The following CHST12 variants were observed in gnomAD, a reference collection of about 807,000 sequenced individuals.
CHST12 encodes the protein carbohydrate (chondroitin 4) sulfotransferase 12.
CHST12 carries 23 observed loss-of-function variants against 27.9 expected under a neutral mutation model. The ratio of observed to expected loss-of-function variants is 0.82; its 90% CI spans 0.59 to 1.17. The LOEUF (loss-of-function observed/expected upper bound fraction) is 1.17. Ranked by LOEUF, CHST12 falls within the 50% of genes most tolerant of loss-of-function variation. The pLI is 0.00. For missense variants in CHST12, 682 were observed against 603.0 expected (o/e 1.13, Z -1.37); for synonymous variants, 322 against 273.0 (o/e 1.18, Z -1.77).
chr7:2,420,128 CAT>C (rs1158642746), intron 1 of CHST12, among the ~76,000 whole-genome samples: 6 of 152,056 alleles, frequency 3.9e-5, no homozygotes, highest in Admixed American at 6.6e-5. Flanking sequence ...CGCCCGTCAG[CAT>C]GCCCGGCTAA....
chr7:2,408,388 A>T (rs1583206287), intron 1 of CHST12, among the ~76,000 whole-genome samples: 2 of 132,122 alleles, frequency 1.5e-5, no homozygotes. Flanking sequence ...AAAAAAAAAA[A>T]AAGATCCTTG....
Position 2,429,718 on chromosome 7 carries a change from C to G in CHST12, c.-77-2845C>G, listed in dbSNP as rs555349441. 2.0e-5 allele frequency among the ~76,000 whole-genome samples: 3 copies of G among 152,094 alleles called. No homozygotes were observed. The East Asian group carries it at 5.8e-4, about 29-fold the overall frequency. On this transcript the variant is annotated intron_variant, in intron 1 of 1. Coordinates refer to ENST00000618655, the MANE Select transcript of CHST12 (RefSeq NM_018641.5). ...TGGCTGCAGGATCTATAATTTCATT[C>G]CTTGTCTTGTTCCTGATAAAGATAA...
chr7:2,422,390 A>T (rs1424660476), intron 1 of CHST12, among the ~76,000 whole-genome samples: 1 of 151,270 alleles, frequency 6.6e-6, no homozygotes, highest in Non-Finnish European at 1.5e-5. Flanking sequence ...GATTACAGGC[A>T]TGTGCCACCA....
rs1782571257 is a variant in CHST12 at position 2,440,365 on chromosome 7, G to C, written c.*6481G>C. On this transcript the variant is annotated 3_prime_UTR_variant, in exon 2 of 2. Coordinates refer to ENST00000618655, the MANE Select transcript of CHST12 (RefSeq NM_018641.5). ...TGCAGGTGTGCGAGTGCATGTGCAA[G>C]TGTGCGTGCAAGTGTGAGTCTGCAC... 1 of 153,326 alleles carries C rather than the reference G, an allele frequency of 6.5e-6. No homozygotes were observed. Among genetic ancestry groups the C allele is most frequent in the Non-Finnish European group, 1.5e-5 (1 of 68,272 alleles). 9.5% of individuals were successfully genotyped at this position (153,326 alleles called of 1,614,324 possible). A position where few individuals can be genotyped will look rare whatever the true frequency, so the allele number is the denominator to read the frequency against.
chr7:2,420,442 T>G (rs2115412722), intron 1 of CHST12, among the ~76,000 whole-genome samples: 1 of 152,324 alleles, frequency 6.6e-6, no homozygotes, highest in Non-Finnish European at 1.5e-5. Context: ...ACACTTGGGT[T>G]CCTTCCACCT....
At chr7:2,404,843 C>G (rs1460692176) in intron 1 of CHST12, among the ~76,000 whole-genome samples, 1 of 152,244 alleles carries the variant, frequency 6.6e-6, no homozygotes, top group Non-Finnish European at 1.5e-5. Flanking sequence ...TCAGCTGACT[C>G]CAGCTTTATT....
chr7:2,440,887 G>A lies in CHST12; in HGVS notation c.*7003G>A, dbSNP rs1782586947. 6.6e-6 allele frequency: 1 copy of A among 152,180 alleles called. No homozygotes were observed. The highest frequency in any genetic ancestry group is 2.4e-5 in the African/African-American group (1 of 41,438). The allele number at this position is 152,180 out of a possible 1,614,324, so 9.4% of individuals were successfully genotyped here. A position where few individuals can be genotyped will look rare whatever the true frequency, so the allele number is the denominator to read the frequency against. On this transcript the variant is annotated 3_prime_UTR_variant, in exon 2 of 2. Transcript: ENST00000618655. ...CGTGTGAAGTTACCACCTCGTGAGT[G>A]GTCATAAGTTAGCGTGTCTAAATGC...
chr7:2,433,970 G>GGGCTTCTT lies in CHST12; in HGVS notation c.*88_*95dup, dbSNP rs1782393591. On this transcript the variant is annotated 3_prime_UTR_variant, in exon 2 of 2. Transcript: ENST00000618655. The surrounding 1 kb of genome is among the most constrained non-coding windows in gnomAD (Gnocchi z 6.1). ...TTTATGACCTACGATTTTGCAATCT[G>GGGCTTCTT]GGCTTCTTGTTCACTCCACTGCCTC... The GGGCTTCTT allele has an allele frequency of 8.4e-7, 1 of 1,187,292 alleles. No homozygotes were observed. Among genetic ancestry groups the GGGCTTCTT allele is most frequent in the South Asian group, 1.5e-5 (1 of 67,384 alleles). 73.5% of individuals were successfully genotyped at this position (1,187,292 alleles called of 1,614,324 possible).
Position 2,441,925 on chromosome 7 carries a change from ACAGTT to A in CHST12, c.*8046_*8050del, listed in dbSNP as rs1782615518. On this transcript the variant is annotated 3_prime_UTR_variant, in exon 2 of 2. Transcript: ENST00000618655. The stretch of plus-strand genomic sequence containing the variant: ...TGCCCTCTTCCCCATTTTTAAGTGA[ACAGTT>A]CAGTGGCATTAAGCACATTCAGTTT... 1 of 152,110 alleles carries A rather than the reference ACAGTT, an allele frequency of 6.6e-6. No individual in the cohort carries two copies. Among genetic ancestry groups the A allele is most frequent in the Non-Finnish European group, 1.5e-5 (1 of 68,026 alleles). The allele number at this position is 152,110 out of a possible 1,614,324, so 9.4% of individuals were successfully genotyped here.
chr7:2,433,544 A>C lies in CHST12; in HGVS notation c.905A>C (p.Asn302Thr). The stretch of plus-strand genomic sequence containing the variant: ...GCTGGCCTCAAGGTGTCCTTCGCCA[A>C]CTTCATCCAGTACCTGCTGGACCCG... ...FRAGLKVSFANFIQYLLDPHT... is the reference protein window; with the variant it reads ...FRAGLKVSFATFIQYLLDPHT... Residue 302 changes from asparagine to threonine, a missense_variant, in exon 2 of 2, where the codon AAC (asparagine) becomes ACC (threonine). Transcript: ENST00000618655. The surrounding 1 kb of genome is among the most constrained non-coding windows in gnomAD (Gnocchi z 6.1). 1.9e-6 allele frequency: 3 copies of C among 1,613,282 alleles called. No individual in the cohort carries two copies. Among genetic ancestry groups the C allele is most frequent in the Non-Finnish European group, 2.5e-6 (3 of 1,179,944 alleles).
At position 2,442,310 on chromosome 7, in the gene CHST12, C is replaced by T. The variant is rs1420184223; in HGVS notation, c.*8426C>T. On this transcript the variant is annotated 3_prime_UTR_variant, in exon 2 of 2. Coordinates refer to ENST00000618655, the MANE Select transcript of CHST12 (RefSeq NM_018641.5). The stretch of plus-strand genomic sequence containing the variant: ...GGACACCTGGGTTGCTTCCATCTCT[C>T]GGCTCTTGTGAATAATGCTGCTGTG... 6.6e-6 allele frequency: 1 copy of T among 152,238 alleles called. No individual in the cohort carries two copies. Among genetic ancestry groups the T allele is most frequent in the Non-Finnish European group, 1.5e-5 (1 of 68,042 alleles). The allele number at this position is 152,238 out of a possible 1,614,324, so 9.4% of individuals were successfully genotyped here.
At chr7:2,427,335 T>C (rs924695924) in intron 1 of CHST12, among the ~76,000 whole-genome samples, 4 of 152,040 alleles carry the variant, frequency 2.6e-5, no homozygotes, top group African/African-American at 7.2e-5. Context: ...CACAACTCTA[T>C]AAAAAATTTT....
chr7:2,431,337 TTAA>T (rs1471676000), intron 1 of CHST12, among the ~76,000 whole-genome samples: 1 of 152,224 alleles, frequency 6.6e-6, no homozygotes, highest in African/African-American at 2.4e-5. Context: ...ATTTGCATGA[TTAA>T]TGTTTTCCAT....
chr7:2,411,280 G>A (rs916832516), intron 1 of CHST12, among the ~76,000 whole-genome samples: 1 of 151,794 alleles, frequency 6.6e-6, no homozygotes, highest in Admixed American at 6.6e-5. Flanking sequence ...TGGCTTCTTG[G>A]TATGTTGCGC....
chr7:2,434,142 T>TCGCCCGCCCGCCCGCTCGC lies in CHST12; in HGVS notation c.*259_*260insGCCCGCCCGCCCGCTCGCC. 3 of 298,430 alleles carry TCGCCCGCCCGCCCGCTCGC rather than the reference T, an allele frequency of 1.0e-5. No individual in the cohort carries two copies. Among genetic ancestry groups the TCGCCCGCCCGCCCGCTCGC allele is most frequent in the South Asian group, 6.8e-5 (1 of 14,770 alleles). 18.5% of individuals were successfully genotyped at this position (298,430 alleles called of 1,614,324 possible). ...CCCGCCCGCTCGCCCGCTCGCCCGC[T>TCGCCCGCCCGCCCGCTCGC]CCTGTGGTTTTTCTGAGCGTGCGGG... On this transcript the variant is annotated 3_prime_UTR_variant, in exon 2 of 2. Coordinates refer to ENST00000618655, the MANE Select transcript of CHST12 (RefSeq NM_018641.5).
intron 1 of CHST12, among the ~76,000 whole-genome samples, chr7:2,406,117 C>T (rs998658665): frequency 1.3e-5 from 2 of 152,036 alleles, no homozygotes; most frequent in Admixed American, 6.6e-5. Context: ...TTAAAAAAAC[C>T]GTACATCTTG....
At position 2,432,924 on chromosome 7, in the gene CHST12, G is replaced by A. The variant is rs757009303; in HGVS notation, c.285G>A (p.Gly95=). Residue 95 remains glycine, a synonymous_variant, in exon 2 of 2, where the codon GGG becomes GGA. Transcript: ENST00000618655. ...RKETEQPPAP[G]SMEESVRGYD... is the part of the protein sequence containing the mutation. The stretch of plus-strand genomic sequence containing the variant: ...AGACGGAGCAGCCGCCTGCGCCGGG[G>A]AGCATGGAGGAGAGCGTGAGAGGCT... 6.2e-6 allele frequency: 10 copies of A among 1,612,756 alleles called. No homozygotes were observed. In the African/African-American group the frequency reaches 1.2e-4, roughly 19 times the overall value.
rs890346387 is a variant in CHST12, at chr7:2,434,112, ACCCG to A, written c.*238_*241del. 5.8e-6 allele frequency: 2 copies of A among 345,168 alleles called. No homozygotes were observed. The allele number at this position is 345,168 out of a possible 1,614,324, so 21.4% of individuals were successfully genotyped here. ...TATCCCCTCTCCCCTCCGCCCGCCC[ACCCG>A]CCCGCCCGCTCGCCCGCTCGCCCGC... is the stretch of plus-strand genomic sequence containing the variant. On this transcript the variant is annotated 3_prime_UTR_variant, in exon 2 of 2. Coordinates refer to ENST00000618655, the MANE Select transcript of CHST12 (RefSeq NM_018641.5).
Position 2,433,889 on chromosome 7 carries a change from T to G in CHST12, c.*5T>G. ...GAAAACCTCCTCCGAGACTGAAAGCTTTCGCGTTGCTTTTTCTCGCGTGCC... is the reference window on the plus strand; with the variant it reads ...GAAAACCTCCTCCGAGACTGAAAGCGTTCGCGTTGCTTTTTCTCGCGTGCC... On this transcript the variant is annotated 3_prime_UTR_variant, in exon 2 of 2. Coordinates refer to ENST00000618655, the MANE Select transcript of CHST12 (RefSeq NM_018641.5). The surrounding 1 kb of genome is among the most constrained non-coding windows in gnomAD (Gnocchi z 6.1). 6.4e-7 allele frequency: 1 copy of G among 1,553,298 alleles called. No homozygotes were observed. The highest frequency in any genetic ancestry group is 8.7e-7 in the Non-Finnish European group (1 of 1,147,326).
Sources: gnomAD v4.1 joint callset for allele counts (sites outside exome capture counted in the v4.1 genomes callset) on GRCh38, gnomAD v4.1.1 for gene constraint, Gnocchi (gnomAD v3.1) non-coding constraint, MANE v1.5 for transcripts, NCBI Gene and HGNC (gene_info 2026-07-23, HGNC 2026-07-21) for gene names.